Variants in ABHD2 observed in about 807,000 individuals in gnomAD.
The protein encoded by ABHD2 is monoacylglycerol lipase ABHD2.
ABHD2 carries 20 observed loss-of-function variants against 48.1 expected under a neutral mutation model. That is an observed-to-expected ratio of 0.42 (90% CI 0.29 to 0.60). ABHD2 has a LOEUF of 0.60. Ranked by LOEUF, ABHD2 falls within the 20% of genes least tolerant of loss-of-function variation. The pLI, the probability that ABHD2 is intolerant of heterozygous loss-of-function variation, is 0.24. For missense variants in ABHD2, 405 were observed against 550.9 expected (o/e 0.74, Z 2.65); for synonymous variants, 209 against 214.2 (o/e 0.98, Z 0.21).
At chr15:89,159,974 C>T (rs992751331) in intron 5 of ABHD2, among the ~76,000 whole-genome samples, 2 of 152,134 alleles carry the variant, frequency 1.3e-5, no homozygotes, top group African/African-American at 4.8e-5. Context: ...AGGATAAGCT[C>T]AAACAAATAG....
chr15:89,127,775 A>T (rs2050159398), intron 3 of ABHD2, among the ~76,000 whole-genome samples: 1 of 148,688 alleles, frequency 6.7e-6, no homozygotes, highest in Non-Finnish European at 1.5e-5. Flanking sequence ...AGTAATATTT[A>T]GTAACCTGCT....
At chr15:89,156,610 C>CA (rs1567095364) in intron 5 of ABHD2, among the ~76,000 whole-genome samples, 3 of 151,810 alleles carry the variant, frequency 2.0e-5, no homozygotes, top group African/African-American at 7.3e-5. Flanking sequence ...AGCTGGCACA[C>CA]GCCTGTAATC....
At chr15:89,142,054 T>C (rs919312792) in intron 3 of ABHD2, among the ~76,000 whole-genome samples, 6 of 152,214 alleles carry the variant, frequency 3.9e-5, no homozygotes, top group African/African-American at 1.2e-4. Flanking sequence ...TCTGTCCTTA[T>C]CATGTTTGTT....
In ABHD2 at chr15:89,151,779, G is replaced by A. The variant is rs746892480; in HGVS notation, c.297G>A (p.Lys99=). The part of the protein sequence containing the change: ...VRSPHPYGHR[K]FITMSDGATS... ...CGCCACATCCTTATGGGCACCGGAAGTTCATCACTATGTCTGATGGAGCCA... is the reference window on the plus strand; with the variant it reads ...CGCCACATCCTTATGGGCACCGGAAATTCATCACTATGTCTGATGGAGCCA... The change falls in exon 4 of 11, where the codon AAG becomes AAA. Residue 99 remains lysine (K), a synonymous_variant. Transcript: ENST00000352732. The surrounding 1 kb of genome is among the most constrained non-coding windows in gnomAD (Gnocchi z 4.7). 4.4e-5 allele frequency: 71 copies of A among 1,614,116 alleles called. No individual in the cohort carries two copies. The highest frequency in any genetic ancestry group is 5.8e-5 in the Non-Finnish European group (68 of 1,180,054).
chr15:89,042,164 G>A, the ABHD2 span, among the ~76,000 whole-genome samples: 1 of 152,144 alleles, frequency 6.6e-6, no homozygotes, highest in Middle Eastern at 3.2e-3. Context: ...GAGGACTCAA[G>A]GGACAGAGGG....
chr15:89,198,903 T>G lies in ABHD2; in HGVS notation c.*3480T>G, dbSNP rs1207038579. Reference sequence around the variant, plus strand: ...GCCCTGTGTCTTTGACTGGCTTCTCTTCAGAGTCCCCGTTGTCATCGTAAG... The same window carrying G: ...GCCCTGTGTCTTTGACTGGCTTCTCGTCAGAGTCCCCGTTGTCATCGTAAG... On this transcript the variant is annotated 3_prime_UTR_variant, in exon 11 of 11. Coordinates refer to ENST00000352732, the MANE Select transcript of ABHD2 (RefSeq NM_152924.5). This position sits in a 1 kb window ranked among gnomAD's most constrained non-coding sequence, Gnocchi z 5.1. 6 of 152,208 alleles carry G rather than the reference T, an allele frequency of 3.9e-5. No homozygotes were observed. The allele number at this position is 152,208 out of a possible 1,614,324, so 9.4% of individuals were successfully genotyped here. A position where few individuals can be genotyped will look rare whatever the true frequency, so the allele number is the denominator to read the frequency against.
At chr15:89,077,240 A>T in the ABHD2 span, among the ~76,000 whole-genome samples, 11 of 152,338 alleles carry the variant, frequency 7.2e-5, no homozygotes, top group East Asian at 2.1e-3. Flanking sequence ...TATAAATAAA[A>T]TCATAGCATA....
chr15:89,119,532 T>C lies in ABHD2; in HGVS notation c.194+3011T>C, dbSNP rs111832040. ...GTTATGCCATTCAGTCTTACCAACCTTAAGGTTGGATTCATTTTTCCTTTC... is the reference window on the plus strand; with the variant it reads ...GTTATGCCATTCAGTCTTACCAACCCTAAGGTTGGATTCATTTTTCCTTTC... On this transcript the variant is annotated intron_variant, in intron 3 of 10. Coordinates refer to ENST00000352732, the MANE Select transcript of ABHD2 (RefSeq NM_152924.5). Among the ~76,000 whole-genome samples, 285 of 152,334 alleles carry C rather than the reference T, an allele frequency of 1.9e-3. 1 individual carries two copies. The highest frequency in any genetic ancestry group is 3.1e-3 in the Non-Finnish European group (211 of 68,026).
rs74032746 is a variant in ABHD2, at chr15:89,131,018, C to G, written c.194+14497C>G. Among the ~76,000 whole-genome samples, 307 of 152,306 alleles carry G rather than the reference C, an allele frequency of 2.0e-3. 2 individuals are homozygous for G. The highest frequency in any genetic ancestry group is 7.1e-3 in the African/African-American group (297 of 41,570). ...TCACTCCATCTCTCCTTCAGTGCCT[C>G]TGCTTCACTGCAGGACGTCATCAGC... On this transcript the variant is annotated intron_variant, in intron 3 of 10. Transcript: ENST00000352732.
the ABHD2 span, among the ~76,000 whole-genome samples, chr15:89,056,594 G>T: frequency 6.6e-6 from 1 of 152,072 alleles, no homozygotes; most frequent in Non-Finnish European, 1.5e-5. Flanking sequence ...AGTGAGCCGA[G>T]TTCGCACCAC....
At chr15:89,059,516 A>G in the ABHD2 span, among the ~76,000 whole-genome samples, 2 of 152,144 alleles carry the variant, frequency 1.3e-5, no homozygotes, top group Non-Finnish European at 2.9e-5. Flanking sequence ...TCTTGTCACA[A>G]TGTTGGGCAG....
At chr15:89,192,916 T>C (rs1320880753) in intron 9 of ABHD2, among the ~76,000 whole-genome samples, 1 of 152,250 alleles carries the variant, frequency 6.6e-6, no homozygotes, top group Non-Finnish European at 1.5e-5. Flanking sequence ...GCTCCCATGA[T>C]ATAAACTGAA....
At chr15:89,098,408 T>C (rs1285096162) in intron 1 of ABHD2, among the ~76,000 whole-genome samples, 6 of 152,156 alleles carry the variant, frequency 3.9e-5, no homozygotes, top group Non-Finnish European at 8.8e-5. Flanking sequence ...TGCTGGACGC[T>C]GTGCCAGACA....
At chr15:89,143,096 T>C (rs186362139) in intron 3 of ABHD2, among the ~76,000 whole-genome samples, 2 of 152,314 alleles carry the variant, frequency 1.3e-5, no homozygotes, top group Non-Finnish European at 2.9e-5. Flanking sequence ...TTAATCGTTT[T>C]TTTGTCCGTG....
chr15:89,095,622 AT>A (rs2049600274), intron 1 of ABHD2, among the ~76,000 whole-genome samples: 1 of 152,200 alleles, frequency 6.6e-6, no homozygotes, highest in Non-Finnish European at 1.5e-5. Flanking sequence ...TAAATCCATG[AT>A]TTGGTATGCC....
the ABHD2 span, among the ~76,000 whole-genome samples, chr15:89,047,189 C>T: frequency 6.6e-6 from 1 of 152,104 alleles, no homozygotes; most frequent in African/African-American, 2.4e-5. Context: ...TGTTCAGTTT[C>T]CATGTAGTTG....
intron 3 of ABHD2, among the ~76,000 whole-genome samples, chr15:89,127,726 T>TATATATATATATATATATAC (rs1567080111): frequency 7.0e-6 from 1 of 141,908 alleles, no homozygotes; most frequent in African/African-American, 2.8e-5. Flanking sequence ...TATACACATA[T>TATATATATATATATATATAC]ATATATATAT....
At chr15:89,135,276 A>G (rs1322526094) in intron 3 of ABHD2, among the ~76,000 whole-genome samples, 2 of 151,988 alleles carry the variant, frequency 1.3e-5, no homozygotes, top group Non-Finnish European at 2.9e-5. Context: ...GCCATGCACT[A>G]ACAAGAACCT....
rs761998871 is a variant in ABHD2, at chr15:89,106,635, A to G, written c.-106-7090A>G. ...CTGGGCTTGTTTTCGTCCCTGCAGA[A>G]TGGTTTTTTTCCCCCTATGATGGCT... On this transcript the variant is annotated intron_variant, in intron 1 of 10. Transcript: ENST00000352732. This position sits in a 1 kb window ranked among gnomAD's most constrained non-coding sequence, Gnocchi z 4.2. 3.9e-5 allele frequency among the ~76,000 whole-genome samples: 6 copies of G among 152,186 alleles called. No individual in the cohort carries two copies. Among genetic ancestry groups the G allele is most frequent in the South Asian group, 2.1e-4 (1 of 4,834 alleles).
Sources: allele counts gnomAD v4.1 joint callset (sites outside exome capture counted in the v4.1 genomes callset), GRCh38; gene constraint gnomAD v4.1.1; non-coding constraint Gnocchi (gnomAD v3.1); transcripts MANE v1.5; gene names NCBI Gene and HGNC (gene_info 2026-07-23, HGNC 2026-07-21).